Variants in MBP observed in about 807,000 individuals in gnomAD.
MBP encodes myelin basic protein.
In MBP, 16 loss-of-function variants were observed where a neutral mutation model predicts 35.8. The observed-to-expected ratio is 0.45, with a 90% CI of 0.30 to 0.68. MBP has a LOEUF of 0.68. Ranked by LOEUF, MBP falls within the 30% of genes least tolerant of loss-of-function variation. The pLI is 0.08. For missense variants in MBP, 380 were observed against 404.7 expected, an observed-to-expected ratio of 0.94 and a Z score of 0.52; for synonymous variants, 143 against 159.6, an observed-to-expected ratio of 0.90 and a Z score of 0.78.
rs182917417 is a variant in MBP at position 77,090,346 on chromosome 18, T to C, written c.51+14865A>G. 1.1e-4 allele frequency among the ~76,000 whole-genome samples: 16 copies of C among 152,348 alleles called. No homozygotes were observed. In the East Asian group the frequency reaches 2.7e-3, roughly 26 times the overall value. ...ATTTGCCTCAGCCGACAACGTGCTA[T>C]TCACACTCACGTGTCCATACCAAAC... is the stretch of plus-strand genomic sequence containing the variant. On this transcript the variant is annotated intron_variant, in intron 2 of 8. Coordinates refer to ENST00000355994, the MANE Select transcript of MBP (RefSeq NM_001025101.2).
intron 4 of MBP, 109 bp from the exon 5 acceptor site, chr18:76,990,169 T>C (rs1454999114): frequency 1.5e-6 from 1 of 684,594 alleles, no homozygotes; most frequent in Non-Finnish European, 2.5e-6. Flanking sequence ...TTTTTTTTTT[T>C]TTAACAGTCA....
In MBP at chr18:77,044,125, A is replaced by G. The variant is rs1973123908; in HGVS notation, c.139+22173T>C. 6.6e-6 allele frequency among the ~76,000 whole-genome samples: 1 copy of G among 151,968 alleles called. No homozygotes were observed. The highest frequency in any genetic ancestry group is 1.5e-5 in the Non-Finnish European group (1 of 67,996). ...TCCCCCGATGCCCTCCACGCTGCAC[A>G]CTGGGCTGGTCTGCAGAGGTCGAAT... On this transcript the variant is annotated intron_variant, in intron 3 of 8. Transcript: ENST00000355994. The surrounding 1 kb of genome is among the most constrained non-coding windows in gnomAD (Gnocchi z 4.4).
At chr18:77,038,776 C>G (rs187089451) in intron 3 of MBP, among the ~76,000 whole-genome samples, 1 of 152,322 alleles carries the variant, frequency 6.6e-6, no homozygotes, top group African/African-American at 2.4e-5. Context: ...AATTACTCAT[C>G]AATTAATATG....
In MBP at chr18:76,987,293, GAAAAT is replaced by G. The variant is rs1006920412; in HGVS notation, c.750+1197_750+1201del. 1.2e-5 allele frequency: 12 copies of G among 985,306 alleles called. No individual in the cohort carries two copies. The African/African-American group carries it at 2.1e-4, about 17-fold the overall frequency. The allele number at this position is 985,306 out of a possible 1,614,324, so 61.0% of individuals were successfully genotyped here. On this transcript the variant is annotated intron_variant, in intron 7 of 8. Transcript: ENST00000355994. ...ATCATCTTTGTCTCCTGCTGGCATA[GAAAAT>G]AAAAAATTAATTGTGAGTACTAGTC...
chr18:76,980,130 T>C lies in MBP; in HGVS notation c.*297A>G. The C allele has an allele frequency of 1.5e-6, 1 of 666,680 alleles. No homozygotes were observed. Among genetic ancestry groups the C allele is most frequent in the South Asian group, 1.6e-5 (1 of 61,768 alleles). 41.3% of individuals were successfully genotyped at this position (666,680 alleles called of 1,614,324 possible). A position where few individuals can be genotyped will look rare whatever the true frequency, so the allele number is the denominator to read the frequency against. The stretch of plus-strand genomic sequence containing the variant: ...GGAGGGGTGAACGTGGAGGGACGTC[T>C]GTGCACCTGGCCCCCTGAAGACCCA... On this transcript the variant is annotated 3_prime_UTR_variant, in exon 9 of 9. Transcript: ENST00000355994.
intron 2 of MBP, among the ~76,000 whole-genome samples, chr18:77,081,605 G>A (rs1015307696): frequency 6.6e-6 from 1 of 151,942 alleles, no homozygotes; most frequent in Non-Finnish European, 1.5e-5. Context: ...GAAGTAAGTG[G>A]ACTCTGTGGA....
At chr18:77,008,398 G>A (rs1380843809) in intron 4 of MBP, among the ~76,000 whole-genome samples, 2 of 152,164 alleles carry the variant, frequency 1.3e-5, no homozygotes, top group Non-Finnish European at 2.9e-5. Flanking sequence ...GCGGGTAGTG[G>A]TGGTGTTTTC....
intron 1 of MBP, among the ~76,000 whole-genome samples, chr18:77,111,469 T>G (rs1976447779): frequency 6.6e-6 from 1 of 152,208 alleles, no homozygotes; most frequent in Non-Finnish European, 1.5e-5. Flanking sequence ...GTCGTGCCCC[T>G]TTGTAGAGAC....
chr18:77,112,046 G>C (rs559599065), intron 1 of MBP, among the ~76,000 whole-genome samples: 1 of 152,118 alleles, frequency 6.6e-6, no homozygotes, highest in South Asian at 2.1e-4. Flanking sequence ...ACTGAAGACT[G>C]TGTTCTGCAA....
intron 3 of MBP, among the ~76,000 whole-genome samples, chr18:77,039,131 G>A (rs1354911345): frequency 1.3e-5 from 2 of 152,238 alleles, no homozygotes; most frequent in Non-Finnish European, 2.9e-5. Flanking sequence ...TGATGAAATT[G>A]TCTCGGCTGC....
At chr18:77,013,956 G>A (rs1951098770) in intron 4 of MBP, 1 of 985,282 alleles carries the variant, frequency 1.0e-6, no homozygotes, top group African/African-American at 1.7e-5. Context: ...AGTGATGCTG[G>A]AGAGGTCACT....
At chr18:77,125,614 GT>G (rs1306807751) in intron 1 of MBP, among the ~76,000 whole-genome samples, 1 of 152,108 alleles carries the variant, frequency 6.6e-6, no homozygotes, top group Admixed American at 6.6e-5. Context: ...CAGTTTGCTG[GT>G]TTCCATTCAA....
chr18:76,985,228 G>T (rs952817140), intron 7 of MBP: 9 of 1,387,820 alleles, frequency 6.5e-6, no homozygotes, highest in Non-Finnish European at 7.6e-6. Context: ...GTGTTCAAGA[G>T]AAGATTAGCA....
At chr18:77,054,044 T>A (rs12456380) in intron 3 of MBP, among the ~76,000 whole-genome samples, 43,049 of 152,274 alleles carry the variant, frequency 0.28, 7,560 homozygotes, top group Non-Finnish European at 0.38. Context: ...GTGGACGCGA[T>A]GACTGCCCCT....
intron 1 of MBP, among the ~76,000 whole-genome samples, chr18:77,118,858 CACACTCCACAG>C (rs1976798556): frequency 6.6e-6 from 1 of 151,774 alleles, no homozygotes. Flanking sequence ...ACACCACACA[CACACTCCACAG>C]ACACTTCACA....
chr18:77,117,308 C>T (rs1408347887), intron 1 of MBP, among the ~76,000 whole-genome samples: 1 of 152,158 alleles, frequency 6.6e-6, no homozygotes, highest in South Asian at 2.1e-4. Context: ...ATGTTATGAA[C>T]ATAAGACTGC....
intron 4 of MBP, 126 bp downstream of exon 4, chr18:77,016,704 GCA>G: frequency 6.8e-7 from 1 of 1,466,850 alleles, no homozygotes; most frequent in Non-Finnish European, 9.0e-7. Flanking sequence ...GCATTCTCCA[GCA>G]CGGAACGAGA....
Position 76,995,301 on chromosome 18 carries a change from A to G in MBP, c.577-5241T>C, listed in dbSNP as rs548055352. ...ACAGGTTTAATGAAATTCCAAATCAAATTCCAGCAAAGTTTTGTTTAGCTA... is the reference window on the plus strand; with the variant it reads ...ACAGGTTTAATGAAATTCCAAATCAGATTCCAGCAAAGTTTTGTTTAGCTA... On this transcript the variant is annotated intron_variant, in intron 4 of 8. Coordinates refer to ENST00000355994, the MANE Select transcript of MBP (RefSeq NM_001025101.2). Among the ~76,000 whole-genome samples, 4 of 152,356 alleles carry G rather than the reference A, an allele frequency of 2.6e-5. No individual in the cohort carries two copies. In the South Asian group the frequency reaches 8.3e-4, roughly 32 times the overall value.
chr18:76,997,848 A>AT (rs1303629976), intron 4 of MBP, among the ~76,000 whole-genome samples: 11 of 151,638 alleles, frequency 7.3e-5, no homozygotes, highest in East Asian at 2.0e-4. Flanking sequence ...CGCCCGGCTG[A>AT]TTTTTTTGTA....
Sources: gnomAD v4.1 joint callset for allele counts (sites outside exome capture counted in the v4.1 genomes callset) on GRCh38, gnomAD v4.1.1 for gene constraint, Gnocchi (gnomAD v3.1) non-coding constraint, MANE v1.5 for transcripts, NCBI Gene and HGNC (gene_info 2026-07-23, HGNC 2026-07-21) for gene names.